The following BLACAT1 variants were observed in gnomAD, a reference collection of about 807,000 sequenced individuals.
BLACAT1 encodes bladder cancer associated transcript 1.
chr1:205,449,550 G>T (rs1666458625), intron 1 of BLACAT1, among the ~76,000 whole-genome samples: 1 of 152,138 alleles, frequency 6.6e-6, no homozygotes. Context: ...TCACTGGACA[G>T]GAATCCTGCA....
chr1:205,437,255 G>A (rs1239432621), downstream of BLACAT1: 3 of 152,590 alleles, frequency 2.0e-5, no homozygotes, highest in African/African-American at 7.2e-5. Flanking sequence ...CTGGAGCAGA[G>A]CGCCAGTCCT....
intron 1 of BLACAT1, among the ~76,000 whole-genome samples, chr1:205,451,265 G>A (rs111296164): frequency 1.6e-3 from 239 of 152,258 alleles, no homozygotes; most frequent in African/African-American, 5.6e-3. Context: ...GAATTCCCAT[G>A]GTGGCCAATT....
rs1301150062 is a variant in BLACAT1 at position 205,451,568 on chromosome 1, G to T, written c.-37+4349C>A. Among the ~76,000 whole-genome samples, 5 of 152,052 alleles carry T rather than the reference G, an allele frequency of 3.3e-5. No individual in the cohort carries two copies. The East Asian group carries it at 9.7e-4, about 29-fold the overall frequency. ...CAGGAGTTGGGGGGAGTGGTCGGGG[G>T]GGTAACCAAGAGGGAATAAAAGGAG... On this transcript the variant is annotated intron_variant, in intron 1 of 1. Transcript: ENST00000629624.
Position 205,453,860 on chromosome 1 carries a change from A to C in BLACAT1, c.-37+2057T>G, listed in dbSNP as rs115554686. On this transcript the variant is annotated intron_variant, in intron 1 of 1. Transcript: ENST00000629624. ...CAATAAAGCTGTTAAAGAAAAATAT[A>C]AGAATGGGTCATTGGCAAACTCACA... Among the ~76,000 whole-genome samples the C allele has an allele frequency of 2.3e-3, 355 of 152,330 alleles. 1 individual carries two copies. Among genetic ancestry groups the C allele is most frequent in the African/African-American group, 8.3e-3 (344 of 41,576 alleles).
intron 1 of BLACAT1, among the ~76,000 whole-genome samples, chr1:205,451,841 G>T (rs12564751): frequency 0.68 from 103,476 of 152,000 alleles, 36,115 homozygotes; most frequent in African/African-American, 0.84. Context: ...TATTCCCATT[G>T]GGTAGATGAG....
chr1:205,439,255 G>T (rs541163538), downstream of BLACAT1, among the ~76,000 whole-genome samples: 1 of 152,326 alleles, frequency 6.6e-6, no homozygotes, highest in East Asian at 1.9e-4. Context: ...GAATCTTGCT[G>T]TTCCCTTGAG....
chr1:205,442,920 T>C (rs533949034), intron 1 of BLACAT1, among the ~76,000 whole-genome samples: 51 of 152,278 alleles, frequency 3.3e-4, no homozygotes, highest in African/African-American at 1.2e-3. Flanking sequence ...TGCTGTGTCA[T>C]CCTAAGCAAG....
intron 1 of BLACAT1, among the ~76,000 whole-genome samples, chr1:205,454,918 T>C (rs1434799997): frequency 6.6e-6 from 1 of 151,738 alleles, no homozygotes; most frequent in Non-Finnish European, 1.5e-5. Flanking sequence ...AAGAATTTGT[T>C]AATGAGGGTT....
At chr1:205,442,112 C>T (rs1056133805) in intron 1 of BLACAT1, among the ~76,000 whole-genome samples, 2 of 152,162 alleles carry the variant, frequency 1.3e-5, no homozygotes, top group Non-Finnish European at 2.9e-5. Context: ...GCCACTCAAG[C>T]GGAGAAGCTG....
rs1485390941 is a variant in BLACAT1 at position 205,450,275 on chromosome 1, A to AT, written c.-37+5641dup. Reference sequence around the variant, plus strand: ...CTCACTCCCTCTGAACCAGCCATGTATTACTCACGTCCCCCTGCCGGGCTA... The same window carrying AT: ...CTCACTCCCTCTGAACCAGCCATGTATTTACTCACGTCCCCCTGCCGGGCTA... On this transcript the variant is annotated intron_variant, in intron 1 of 1. Transcript: ENST00000629624. This position sits in a 1 kb window ranked among gnomAD's most constrained non-coding sequence, Gnocchi z 4.4. Among the ~76,000 whole-genome samples the AT allele has an allele frequency of 2.6e-5, 4 of 151,664 alleles. No individual in the cohort carries two copies. Among genetic ancestry groups the AT allele is most frequent in the African/African-American group, 4.9e-5 (2 of 41,234 alleles).
In BLACAT1 at chr1:205,453,484, A is replaced by G. The variant is rs188758135; in HGVS notation, c.-37+2433T>C. Among the ~76,000 whole-genome samples, 292 of 152,140 alleles carry G rather than the reference A, an allele frequency of 1.9e-3. 1 individual carries two copies. The highest frequency in any genetic ancestry group is 6.6e-3 in the African/African-American group (275 of 41,482). On this transcript the variant is annotated intron_variant, in intron 1 of 1. Transcript: ENST00000629624. ...CTGCTCCACTGAGCAGGAAAGCACA[A>G]TTTTTCCCCCAAGGGCTTTCTCTAG...
chr1:205,449,144 C>T lies in BLACAT1; in HGVS notation c.-37+6773G>A, dbSNP rs532908901. Among the ~76,000 whole-genome samples, 4 of 152,286 alleles carry T rather than the reference C, an allele frequency of 2.6e-5. No homozygotes were observed. The East Asian group carries it at 7.7e-4, about 29-fold the overall frequency. ...AAGGCTGTGGGAGGGGTGCGCAGTG[C>T]CCTGCCGCTCTCATTGGCAGGACAT... On this transcript the variant is annotated intron_variant, in intron 1 of 1. Transcript: ENST00000629624.
intron 1 of BLACAT1, among the ~76,000 whole-genome samples, chr1:205,449,347 GC>G (rs149570567): frequency 0.023 from 3,427 of 152,194 alleles, 123 homozygotes; most frequent in African/African-American, 0.078. Context: ...GCTCCTGCTA[GC>G]CCAGGCTCAG....
downstream of BLACAT1, chr1:205,436,852 T>A (rs1425564549): frequency 1.3e-5 from 2 of 152,238 alleles, no homozygotes; most frequent in Non-Finnish European, 2.9e-5. Context: ...GAACCAAGTA[T>A]CTGTCTCCAA....
chr1:205,443,377 C>T (rs1440022704), intron 1 of BLACAT1, among the ~76,000 whole-genome samples: 1 of 118,142 alleles, frequency 8.5e-6, no homozygotes, highest in Non-Finnish European at 1.8e-5. Flanking sequence ...TTAAATGACC[C>T]GTTCCTCCCC....
intron 1 of BLACAT1, among the ~76,000 whole-genome samples, chr1:205,445,520 A>C (rs929827788): frequency 2.8e-4 from 43 of 152,242 alleles, no homozygotes; most frequent in African/African-American, 1.0e-3. Context: ...TGGCCTTCAG[A>C]GACCACAGAC....
At chr1:205,451,374 G>T (rs529862583) in intron 1 of BLACAT1, among the ~76,000 whole-genome samples, 1 of 152,150 alleles carries the variant, frequency 6.6e-6, no homozygotes, top group African/African-American at 2.4e-5. Flanking sequence ...CCATTCAGCC[G>T]GATTTGGGAA....
chr1:205,438,824 G>A (rs962507289), downstream of BLACAT1, among the ~76,000 whole-genome samples: 5 of 152,232 alleles, frequency 3.3e-5, no homozygotes, highest in Admixed American at 2.0e-4. Flanking sequence ...GAGTTCTCCC[G>A]GGGGAGGAAG....
Position 205,451,994 on chromosome 1 carries a change from G to A in BLACAT1, c.-37+3923C>T, listed in dbSNP as rs545461177. Among the ~76,000 whole-genome samples the A allele has an allele frequency of 1.1e-4, 16 of 152,256 alleles. No individual in the cohort carries two copies. In the South Asian group the frequency reaches 3.3e-3, roughly 32 times the overall value. ...CAAAGAGAAACTGGAGGCAGAGGTG[G>A]AGCACAGGCAGAACCGGAGGCAGCA... On this transcript the variant is annotated intron_variant, in intron 1 of 1. Coordinates refer to ENST00000629624, the Ensembl canonical transcript of BLACAT1.
Sources: allele counts gnomAD v4.1 joint callset (sites outside exome capture counted in the v4.1 genomes callset), GRCh38; gene constraint gnomAD v4.1.1; non-coding constraint Gnocchi (gnomAD v3.1); transcripts MANE v1.5; gene names NCBI Gene and HGNC (gene_info 2026-07-23, HGNC 2026-07-21).